The following ARHGAP42 variants were observed in gnomAD, a reference collection of about 807,000 sequenced individuals.
The protein encoded by ARHGAP42 is rho GTPase-activating protein 42.
ARHGAP42 carries 63 observed loss-of-function variants against 125.0 expected under a neutral mutation model. The ratio of observed to expected loss-of-function variants is 0.50; its 90% CI spans 0.41 to 0.62. The LOEUF is 0.62. Ranked by LOEUF, ARHGAP42 falls within the 20% of genes least tolerant of loss-of-function variation. ARHGAP42 has a pLI of 0.00. For synonymous variants in ARHGAP42, 339 were observed against 351.0 expected (o/e 0.97, Z 0.38); for missense variants, 766 against 1,024.2 (o/e 0.75, Z 3.44).
intron 1 of ARHGAP42, among the ~76,000 whole-genome samples, chr11:100,754,814 C>T (rs555254156): frequency 6.6e-6 from 1 of 152,252 alleles, no homozygotes; most frequent in Non-Finnish European, 1.5e-5. Context: ...GCCAAAATTT[C>T]ATTAAAGTAT....
At chr11:100,693,772 A>T (rs73571428) in intron 1 of ARHGAP42, among the ~76,000 whole-genome samples, 2,401 of 152,264 alleles carry the variant, frequency 0.016, 73 homozygotes, top group African/African-American at 0.055. Flanking sequence ...AAACACAGGT[A>T]ACCACTACAC....
chr11:100,712,255 A>G (rs1015561208), intron 1 of ARHGAP42, among the ~76,000 whole-genome samples: 1 of 152,228 alleles, frequency 6.6e-6, no homozygotes, highest in Admixed American at 6.5e-5. Context: ...TTTAACCTGT[A>G]TAAATAATTA....
intron 4 of ARHGAP42, among the ~76,000 whole-genome samples, chr11:100,905,380 G>A (rs570664585): frequency 6.6e-6 from 1 of 152,254 alleles, no homozygotes; most frequent in Admixed American, 6.5e-5. Flanking sequence ...AACTATGTAT[G>A]TCTTTAATAA....
chr11:100,779,552 A>ATACATACGTATATATACG, intron 2 of ARHGAP42, among the ~76,000 whole-genome samples: 1 of 87,342 alleles, frequency 1.1e-5, no homozygotes, highest in Non-Finnish European at 2.3e-5. Context: ...ATATATATAC[A>ATACATACGTATATATACG]TATACATACG....
intron 4 of ARHGAP42, among the ~76,000 whole-genome samples, chr11:100,871,490 G>T (rs530290953): frequency 1.3e-5 from 2 of 149,272 alleles, no homozygotes; most frequent in Non-Finnish European, 3.0e-5. Context: ...AGGTTGCAGT[G>T]AGCCGAGATT....
intron 22 of ARHGAP42, among the ~76,000 whole-genome samples, chr11:100,987,251 G>T (rs1001417626): frequency 3.9e-5 from 6 of 152,082 alleles, no homozygotes; most frequent in Non-Finnish European, 8.8e-5. Flanking sequence ...AACCTATATT[G>T]TTATAAGCCA....
At chr11:100,974,633 T>G in intron 19 of ARHGAP42, 30 bp downstream of exon 19, 1 of 1,526,800 alleles carries the variant, frequency 6.5e-7, no homozygotes, top group Non-Finnish European at 8.8e-7. Flanking sequence ...GGGAGATGCT[T>G]TCTTCATTCT....
rs1306910251 is a variant in ARHGAP42 at position 100,900,469 on chromosome 11, G to C, written c.385-12983G>C. Among the ~76,000 whole-genome samples, 6 of 152,254 alleles carry C rather than the reference G, an allele frequency of 3.9e-5. No homozygotes were observed. In the South Asian group the frequency reaches 1.2e-3, roughly 32 times the overall value. On this transcript the variant is annotated intron_variant, in intron 4 of 23. Coordinates refer to ENST00000298815, the MANE Select transcript of ARHGAP42 (RefSeq NM_152432.4). The stretch of plus-strand genomic sequence containing the variant: ...ATGTGGCCCTGCCTTGCTAGGTTGG[G>C]GAAGTTCTTCTGGGATAATATCCTG...
chr11:100,863,886 A>G (rs138214672), intron 4 of ARHGAP42, among the ~76,000 whole-genome samples: 2 of 152,338 alleles, frequency 1.3e-5, no homozygotes, highest in Non-Finnish European at 1.5e-5. Flanking sequence ...ACTTGATGTC[A>G]ACTCTATGAA....
intron 20 of ARHGAP42, among the ~76,000 whole-genome samples, 155 bp downstream of exon 20, chr11:100,976,592 T>C (rs1858397779): frequency 6.6e-6 from 1 of 152,196 alleles, no homozygotes; most frequent in African/African-American, 2.4e-5. Context: ...ACCTAGGCAC[T>C]GTGACATTTT....
intron 1 of ARHGAP42, among the ~76,000 whole-genome samples, chr11:100,703,259 A>G (rs1861427451): frequency 6.6e-6 from 1 of 152,174 alleles, no homozygotes; most frequent in African/African-American, 2.4e-5. Flanking sequence ...AACCAGTATT[A>G]TGGGTCCAAG....
intron 3 of ARHGAP42, among the ~76,000 whole-genome samples, chr11:100,823,734 C>T (rs979845958): frequency 2.0e-5 from 3 of 152,018 alleles, no homozygotes; most frequent in Non-Finnish European, 4.4e-5. Flanking sequence ...ACTCTAAACT[C>T]GTGGAATTAT....
chr11:100,883,613 G>A (rs1866013691), intron 4 of ARHGAP42, among the ~76,000 whole-genome samples: 1 of 152,140 alleles, frequency 6.6e-6, no homozygotes, highest in Admixed American at 6.5e-5. Flanking sequence ...AAATTGCTGG[G>A]ATTACAGGTG....
chr11:100,875,253 A>C (rs1198480319), intron 4 of ARHGAP42, among the ~76,000 whole-genome samples: 1 of 150,998 alleles, frequency 6.6e-6, no homozygotes, highest in Non-Finnish European at 1.5e-5. Flanking sequence ...TTGCTTTTAA[A>C]GTTTTCAGAC....
intron 1 of ARHGAP42, among the ~76,000 whole-genome samples, chr11:100,701,465 C>T (rs766733130): frequency 6.6e-6 from 1 of 152,230 alleles, no homozygotes; most frequent in African/African-American, 2.4e-5. Context: ...CATTGAAAGT[C>T]TCTTGTTTAT....
At chr11:100,788,187 G>A (rs898598511) in intron 2 of ARHGAP42, among the ~76,000 whole-genome samples, 2 of 152,120 alleles carry the variant, frequency 1.3e-5, no homozygotes, top group African/African-American at 4.8e-5. Context: ...TCATCTGATT[G>A]CATGGCTTCA....
intron 1 of ARHGAP42, among the ~76,000 whole-genome samples, chr11:100,705,991 T>TG (rs1429761367): frequency 6.7e-6 from 1 of 149,060 alleles, no homozygotes; most frequent in African/African-American, 2.5e-5. Context: ...TTTTTTTTTT[T>TG]TTTTTTTGAG....
intron 3 of ARHGAP42, among the ~76,000 whole-genome samples, chr11:100,804,978 A>G (rs1863955577): frequency 6.6e-6 from 1 of 152,224 alleles, no homozygotes; most frequent in African/African-American, 2.4e-5. Flanking sequence ...TGTGCCTTGC[A>G]TTATATTTCT....
At chr11:100,805,863 C>G (rs1863975803) in intron 3 of ARHGAP42, among the ~76,000 whole-genome samples, 1 of 152,110 alleles carries the variant, frequency 6.6e-6, no homozygotes, top group South Asian at 2.1e-4. Flanking sequence ...CCAGAGGTCC[C>G]TTTTGATGCC....
Sources: allele counts gnomAD v4.1 joint callset (sites outside exome capture counted in the v4.1 genomes callset), GRCh38; gene constraint gnomAD v4.1.1; transcripts MANE v1.5; gene names NCBI Gene and HGNC (gene_info 2026-07-23, HGNC 2026-07-21).